PKD1L1: variants seen among roughly 807,000 people sequenced by gnomAD.
The protein encoded by PKD1L1 is polycystin 1 like 1, transient receptor potential channel interacting.
Under a neutral mutation model 323.4 loss-of-function variants are expected in PKD1L1, and 236 were observed. The observed-to-expected ratio is 0.73, with a 90% confidence interval of 0.66 to 0.81. PKD1L1 has a LOEUF of 0.81. PKD1L1 is among the 40% of genes least tolerant of loss of function. PKD1L1 has a pLI of 0.00. For missense variants in PKD1L1, 3,320 were observed against 3,508.0 expected (o/e 0.95, Z 1.35); for synonymous variants, 1,344 against 1,335.0 (o/e 1.01, Z -0.15).
At chr7:47,880,961 G>T (rs1786540574) in intron 20 of PKD1L1, among the ~76,000 whole-genome samples, 156 bp from the exon 21 acceptor site, 1 of 151,586 alleles carries the variant, frequency 6.6e-6, no homozygotes. Flanking sequence ...AAGGTTGCTG[G>T]TTACTGCCTT....
rs760384390 is a variant in PKD1L1, at chr7:47,811,919, C to T, written c.7479G>A (p.Val2493=). The T allele has an allele frequency of 6.2e-7, 1 of 1,609,446 alleles. No homozygotes were observed. The highest frequency in any genetic ancestry group is 1.6e-4 in the Middle Eastern group (1 of 6,078). ...CGAGACTCCCCGTAGGGAGGATCTC[C>T]ACTCTCAGGGACACGCTGGTGAAGA... The part of the protein sequence containing the change: ...TQLFTSVSLR[V]EILPTGSLVP... Residue 2493 remains valine (V), a synonymous_variant, in exon 50 of 57, where the codon GTG becomes GTA. Transcript: ENST00000289672.
At chr7:47,809,081 CAA>C in intron 51 of PKD1L1, 1 of 156,918 alleles carries the variant, frequency 6.4e-6, no homozygotes, top group East Asian at 1.9e-4. Flanking sequence ...ATCCTAATTC[CAA>C]AAGTTTTTTC....
chr7:47,849,251 A>C (rs1785729035), intron 31 of PKD1L1, among the ~76,000 whole-genome samples: 1 of 152,242 alleles, frequency 6.6e-6, no homozygotes, highest in Non-Finnish European at 1.5e-5. Flanking sequence ...AAATTCTAAA[A>C]GATAACATCA....
intron 41 of PKD1L1, among the ~76,000 whole-genome samples, chr7:47,832,853 T>C (rs1437430445): frequency 6.6e-6 from 1 of 152,270 alleles, no homozygotes; most frequent in Non-Finnish European, 1.5e-5. Context: ...ATGAGTGTAT[T>C]ATTGGCTTTT....
intron 7 of PKD1L1, among the ~76,000 whole-genome samples, chr7:47,922,430 A>G (rs1485638752): frequency 2.1e-5 from 3 of 140,296 alleles, no homozygotes; most frequent in Admixed American, 2.1e-4. Context: ...AGTGAGGAGC[A>G]CCTCTTCCCG....
At chr7:47,813,838 G>A (rs1784956752) in intron 48 of PKD1L1, 93 bp downstream of exon 48, 3 of 1,103,930 alleles carry the variant, frequency 2.7e-6, no homozygotes, top group African/African-American at 3.1e-5. Context: ...TCACAGAGAA[G>A]TTCAAATGAT....
chr7:47,808,398 C>T lies in PKD1L1; in HGVS notation c.7687-11G>A. On this transcript the variant is annotated splice_polypyrimidine_tract_variant and intron_variant, in intron 51 of 56. Coordinates refer to ENST00000289672, the MANE Select transcript of PKD1L1 (RefSeq NM_138295.5). The stretch of plus-strand genomic sequence containing the variant: ...TCCAACCACGGAGAGCTGGAACATC[C>T]AAGAGAAAGGCCCTCAGATGGCTCC... 1 of 1,613,760 alleles carries T rather than the reference C, an allele frequency of 6.2e-7. No individual in the cohort carries two copies.
At chr7:47,899,767 T>C (rs180886371) in intron 13 of PKD1L1, among the ~76,000 whole-genome samples, 6 of 152,156 alleles carry the variant, frequency 3.9e-5, no homozygotes, top group African/African-American at 9.6e-5. Flanking sequence ...CCATCCTGGC[T>C]AACACGGTGA....
chr7:47,929,087 T>C, intron 7 of PKD1L1, 117 bp downstream of exon 7: 1 of 1,078,960 alleles, frequency 9.3e-7, no homozygotes, highest in Non-Finnish European at 1.3e-6. Flanking sequence ...GCCAGGAAGG[T>C]TGGCTGAGTC....
intron 56 of PKD1L1, 38 bp downstream of exon 56, chr7:47,792,589 T>C (rs1562931669): frequency 6.4e-7 from 1 of 1,552,800 alleles, no homozygotes; most frequent in Non-Finnish European, 8.7e-7. Flanking sequence ...TAAATTGCTA[T>C]GAAGAAAATT....
chr7:47,784,486 T>A (rs1463151884), intron 56 of PKD1L1, among the ~76,000 whole-genome samples: 1 of 152,160 alleles, frequency 6.6e-6, no homozygotes, highest in South Asian at 2.1e-4. Flanking sequence ...CTTCTTTTTT[T>A]TTTGAGACGG....
chr7:47,959,154 C>T, the PKD1L1 span, among the ~76,000 whole-genome samples: 2 of 152,104 alleles, frequency 1.3e-5, no homozygotes, highest in East Asian at 1.9e-4. Flanking sequence ...AGTGCAGTGG[C>T]GTGATCTCGG....
intron 47 of PKD1L1, among the ~76,000 whole-genome samples, chr7:47,814,538 C>T (rs990134780): frequency 2.0e-5 from 3 of 152,084 alleles, no homozygotes; most frequent in East Asian, 1.9e-4. Flanking sequence ...TGCCACCACG[C>T]GCGGCTAATT....
chr7:47,930,970 A>G, intron 6 of PKD1L1, 134 bp downstream of exon 6: 1 of 936,040 alleles, frequency 1.1e-6, no homozygotes, highest in East Asian at 2.7e-5. Context: ...GTAACTTGAA[A>G]GTCACTGGAC....
chr7:47,951,983 G>A (rs1788211572), upstream of PKD1L1, among the ~76,000 whole-genome samples: 1 of 152,174 alleles, frequency 6.6e-6, no homozygotes. Flanking sequence ...AGTAGCACAT[G>A]CTGACATGTC....
chr7:47,850,360 C>T (rs928698217), intron 31 of PKD1L1, among the ~76,000 whole-genome samples: 5 of 152,002 alleles, frequency 3.3e-5, no homozygotes, highest in Non-Finnish European at 5.9e-5. Context: ...GGACGGGCGC[C>T]GTGGCTCACG....
chr7:47,945,759 C>T (rs1044446894), intron 1 of PKD1L1, among the ~76,000 whole-genome samples: 7 of 152,142 alleles, frequency 4.6e-5, no homozygotes, highest in African/African-American at 1.7e-4. Flanking sequence ...CCACTCTGGG[C>T]CCACACAAGG....
intron 45 of PKD1L1, among the ~76,000 whole-genome samples, chr7:47,822,292 A>C (rs1785157119): frequency 6.6e-6 from 1 of 152,156 alleles, no homozygotes; most frequent in Non-Finnish European, 1.5e-5. Context: ...ATCTGTAAAA[A>C]AAAGCTTGTG....
At chr7:47,806,779 T>C (rs1054249749) in intron 52 of PKD1L1, among the ~76,000 whole-genome samples, 10 of 152,228 alleles carry the variant, frequency 6.6e-5, no homozygotes, top group Admixed American at 1.3e-4. Flanking sequence ...CTGTTGAATG[T>C]GCTAGGAATG....
Sources: allele counts gnomAD v4.1 joint callset (sites outside exome capture counted in the v4.1 genomes callset), GRCh38; gene constraint gnomAD v4.1.1; transcripts MANE v1.5; gene names NCBI Gene and HGNC (gene_info 2026-07-23, HGNC 2026-07-21).